Variants in TOP3A observed in about 807,000 individuals in gnomAD.
TOP3A encodes the protein DNA topoisomerase 3-alpha.
A neutral mutation model predicts 111.3 loss-of-function variants in TOP3A; 64 were observed. That is an observed-to-expected ratio of 0.57 (90% CI 0.47 to 0.71). TOP3A has a LOEUF of 0.71. Ranked by LOEUF, TOP3A falls within the 30% of genes least tolerant of loss-of-function variation. The pLI is 0.00. For missense variants in TOP3A, 1,104 were observed against 1,285.0 expected (o/e 0.86, Z 2.15); for synonymous variants, 484 against 485.1 (o/e 1.00, Z 0.03).
Position 18,292,699 on chromosome 17 carries a change from C to T in TOP3A, c.1227G>A (p.Lys409=). ...GAATGGGAGGGTGAGCTTGGTCAGA[C>T]TTGTTCCCATTGCGTGGGGTGGGAC... ...RGGPTPRNGN[K]SDQAHPPIHP... Residue 409 remains lysine, a synonymous_variant, in exon 11 of 19, where the codon AAG becomes AAA. Transcript: ENST00000321105. 1 of 1,605,926 alleles carries T rather than the reference C, an allele frequency of 6.2e-7. No individual in the cohort carries two copies. The highest frequency in any genetic ancestry group is 1.1e-5 in the South Asian group (1 of 90,406).
chr17:18,308,245 A>C, intron 3 of TOP3A, 106 bp downstream of exon 3: 6 of 326,562 alleles, frequency 1.8e-5, no homozygotes, highest in Admixed American at 1.1e-4. Context: ...AAAAAAAAAA[A>C]AAAAAAAAAA....
intron 18 of TOP3A, among the ~76,000 whole-genome samples, chr17:18,275,951 G>A (rs573422783): frequency 1.5e-4 from 23 of 152,268 alleles, no homozygotes; most frequent in African/African-American, 5.1e-4. Flanking sequence ...CACCGCGCCC[G>A]ACCGGCTGAA....
intron 17 of TOP3A, 170 bp downstream of exon 17, chr17:18,280,366 A>G: frequency 1.5e-6 from 1 of 664,086 alleles, no homozygotes. Context: ...GACAGCATGG[A>G]ACACAACAGA....
intron 1 of TOP3A, among the ~76,000 whole-genome samples, chr17:18,310,378 A>G (rs145377239): frequency 1.3e-5 from 2 of 152,286 alleles, no homozygotes; most frequent in East Asian, 3.9e-4. Context: ...ATGAGCCGAG[A>G]TCTCATCACT....
chr17:18,304,997 G>C lies in TOP3A; in HGVS notation c.499+115C>G. The C allele has an allele frequency of 2.4e-6, 2 of 819,566 alleles. 1 individual carries two copies. The highest frequency in any genetic ancestry group is 4.1e-6 in the Non-Finnish European group (2 of 484,140). 50.8% of individuals were successfully genotyped at this position (819,566 alleles called of 1,614,324 possible). On this transcript the variant is annotated intron_variant, in intron 5 of 18. Transcript: ENST00000321105. ...CATGGCTGGTGGGACTCACAGACTG[G>C]GAGGGAGAGTACCTGCAGAGGACCT... is the stretch of plus-strand genomic sequence containing the variant.
intron 17 of TOP3A, 186 bp downstream of exon 17, chr17:18,280,350 A>G: frequency 1.8e-6 from 1 of 566,602 alleles, no homozygotes; most frequent in African/African-American, 1.9e-5. Context: ...TACCTGCCAA[A>G]GCAGTGACAG....
At chr17:18,293,804 C>G (rs1309626131) in intron 10 of TOP3A, among the ~76,000 whole-genome samples, 1 of 151,672 alleles carries the variant, frequency 6.6e-6, no homozygotes. Flanking sequence ...ACCATGTTGG[C>G]CAGGCTGGTC....
In TOP3A at chr17:18,288,450, A is replaced by C. The variant is rs779782649; in HGVS notation, c.1597+2107T>G. Among the ~76,000 whole-genome samples, 11 of 151,414 alleles carry C rather than the reference A, an allele frequency of 7.3e-5. 1 individual carries two copies. The highest frequency in any genetic ancestry group is 1.3e-4 in the Non-Finnish European group (9 of 67,894). The stretch of plus-strand genomic sequence containing the variant: ...AGACACAATGCCCAGCCTGTTAATA[A>C]TCTTTTAAAAATATTATTATTATTT... On this transcript the variant is annotated intron_variant, in intron 13 of 18. Coordinates refer to ENST00000321105, the MANE Select transcript of TOP3A (RefSeq NM_004618.5).
At chr17:18,311,310 T>G (rs1331665837) in intron 1 of TOP3A, among the ~76,000 whole-genome samples, 1 of 151,468 alleles carries the variant, frequency 6.6e-6, no homozygotes, top group African/African-American at 2.4e-5. Context: ...TAATTTTTTT[T>G]TGAGATGGAG....
At chr17:18,302,948 A>G in intron 5 of TOP3A, 1 of 476,376 alleles carries the variant, frequency 2.1e-6, no homozygotes. Flanking sequence ...TGATGGAGTT[A>G]ATTTTAGCTA....
At position 18,273,753 on chromosome 17, in the gene TOP3A, C is replaced by T. The variant is rs1191008723; in HGVS notation, c.*1049G>A. On this transcript the variant is annotated 3_prime_UTR_variant, in exon 19 of 19. Transcript: ENST00000321105. ...CAAAGGATCCTCCCACTTCAGCCTC[C>T]TGAGCAGCTGAACTAAAGACGTGTA... Among the ~76,000 whole-genome samples the T allele has an allele frequency of 1.3e-5, 2 of 152,126 alleles. No homozygotes were observed. The highest frequency in any genetic ancestry group is 2.9e-5 in the Non-Finnish European group (2 of 68,030).
chr17:18,282,923 G>A (rs1567736553), intron 15 of TOP3A, 82 bp from the exon 16 acceptor site: 1 of 1,556,356 alleles, frequency 6.4e-7, no homozygotes, highest in South Asian at 1.2e-5. Context: ...GCACACAACA[G>A]GCGTGACCTT....
Position 18,274,556 on chromosome 17 carries a change from G to T in TOP3A, c.*246C>A. The stretch of plus-strand genomic sequence containing the variant: ...TTGGGGGGTCCGAGGGAGCAGCTGC[G>T]TGACTTTTCAGCAGTGGCTATGGTC... On this transcript the variant is annotated 3_prime_UTR_variant, in exon 19 of 19. Coordinates refer to ENST00000321105, the MANE Select transcript of TOP3A (RefSeq NM_004618.5). 2.2e-6 allele frequency: 1 copy of T among 444,624 alleles called. No individual in the cohort carries two copies. The allele number at this position is 444,624 out of a possible 1,614,324, so 27.5% of individuals were successfully genotyped here.
At chr17:18,312,628 G>A (rs889468948) in intron 1 of TOP3A, 1 of 181,954 alleles carries the variant, frequency 5.5e-6, no homozygotes, top group African/African-American at 2.3e-5. Context: ...AAAAGGCAAA[G>A]GCTAAAGAAT....
At chr17:18,293,924 G>A (rs1165645385) in intron 10 of TOP3A, among the ~76,000 whole-genome samples, 3 of 152,172 alleles carry the variant, frequency 2.0e-5, no homozygotes, top group East Asian at 1.9e-4. Flanking sequence ...AGTCACTTAA[G>A]TTACTGAGAT....
chr17:18,291,776 G>A lies in TOP3A; in HGVS notation c.1282-749C>T, dbSNP rs58571801. ...TGTCGCCAGGCTGGAGTGCAGTGGT[G>A]CAATCTCGGCTTATTGCAACCTCCG... On this transcript the variant is annotated intron_variant, in intron 11 of 18. Coordinates refer to ENST00000321105, the MANE Select transcript of TOP3A (RefSeq NM_004618.5). 4.2e-3 allele frequency among the ~76,000 whole-genome samples: 643 copies of A among 152,062 alleles called. 5 individuals are homozygous for A. Among genetic ancestry groups the A allele is most frequent in the African/African-American group, 0.015 (615 of 41,482 alleles).
chr17:18,301,589 T>C (rs200893843), intron 8 of TOP3A, among the ~76,000 whole-genome samples: 1 of 152,256 alleles, frequency 6.6e-6, no homozygotes, highest in East Asian at 1.9e-4. Flanking sequence ...GTCAATGACC[T>C]GGACTGGTCT....
rs774639172 is a variant in TOP3A at position 18,285,516 on chromosome 17, C to T, written c.1602G>A (p.Thr534=). ...IALMEKHGIG[T]DATHAEHIET... ...CGATGTGCTCCGCATGAGTGGCATC[C>T]GTACCTGGAAGCCACTTGCTGGTTA... is the stretch of plus-strand genomic sequence containing the variant. Residue 534 remains threonine, a synonymous_variant, in exon 14 of 19, where the codon ACG becomes ACA. Coordinates refer to ENST00000321105, the MANE Select transcript of TOP3A (RefSeq NM_004618.5). 2.0e-5 allele frequency: 33 copies of T among 1,613,482 alleles called. No individual in the cohort carries two copies. The highest frequency in any genetic ancestry group is 1.1e-4 in the South Asian group (10 of 91,008).
intron 8 of TOP3A, among the ~76,000 whole-genome samples, chr17:18,300,270 T>C (rs1981145492): frequency 6.6e-6 from 1 of 151,986 alleles, no homozygotes; most frequent in Non-Finnish European, 1.5e-5. Flanking sequence ...GGTGCACGCC[T>C]GTAGTTCCAG....
Sources: allele counts gnomAD v4.1 joint callset (sites outside exome capture counted in the v4.1 genomes callset), GRCh38; gene constraint gnomAD v4.1.1; transcripts MANE v1.5; gene names NCBI Gene and HGNC (gene_info 2026-07-23, HGNC 2026-07-21).